Variants in TXNL4A observed in about 807,000 individuals in gnomAD.
TXNL4A encodes thioredoxin-like protein 4A.
In TXNL4A, 17 loss-of-function variants were observed where a neutral mutation model predicts 14.6. The ratio of observed to expected loss-of-function variants is 1.16; its 90% CI spans 0.80 to 1.74. The LOEUF is 1.74. Among genes scored for constraint, TXNL4A ranks in the 40% most tolerant of loss-of-function variants. The probability of loss-of-function intolerance (pLI) is 0.00; values close to 1 mark genes in which losing one functional copy is unlikely to be tolerated. For synonymous variants in TXNL4A, 83 were observed against 70.6 expected (o/e 1.18, Z -0.88); for missense variants, 74 against 195.2 (o/e 0.38, Z 3.70).
chr18:80,021,053 A>C (rs1367339218), intron 1 of TXNL4A, among the ~76,000 whole-genome samples: 3 of 152,176 alleles, frequency 2.0e-5, no homozygotes, highest in Non-Finnish European at 4.4e-5. Context: ...ACATATTGTA[A>C]AACTTTAACC....
chr18:79,974,848 C>T (rs1055243036), intron 2 of TXNL4A, among the ~76,000 whole-genome samples: 4 of 152,174 alleles, frequency 2.6e-5, no homozygotes, highest in African/African-American at 9.7e-5. Context: ...CAGTCCCACC[C>T]CGGCCTGCAG....
At chr18:80,033,828 C>T (rs1340024697) in intron 1 of TXNL4A, 1 of 146,240 alleles carries the variant, frequency 6.8e-6, no homozygotes, top group Non-Finnish European at 1.5e-5. Context: ...CGTTGCCGCC[C>T]CCCCCGCCCG....
At chr18:79,987,913 T>C (rs1390856511) in intron 1 of TXNL4A, among the ~76,000 whole-genome samples, 1 of 152,234 alleles carries the variant, frequency 6.6e-6, no homozygotes, top group Non-Finnish European at 1.5e-5. Context: ...GCGCTCTCAA[T>C]AAAACCTGCA....
At chr18:79,983,971 G>C (rs1198315774) in intron 1 of TXNL4A, among the ~76,000 whole-genome samples, 1 of 151,980 alleles carries the variant, frequency 6.6e-6, no homozygotes, top group Non-Finnish European at 1.5e-5. Context: ...ATACCTTGTG[G>C]CTAGAGTCTG....
intron 1 of TXNL4A, among the ~76,000 whole-genome samples, chr18:79,984,004 C>T (rs1473420262): frequency 1.3e-5 from 2 of 151,504 alleles, no homozygotes; most frequent in African/African-American, 2.4e-5. Flanking sequence ...CCACTCAACA[C>T]CACCCCTCAT....
chr18:79,976,187 T>C (rs967259953), intron 2 of TXNL4A, among the ~76,000 whole-genome samples: 2 of 152,128 alleles, frequency 1.3e-5, no homozygotes, highest in African/African-American at 4.8e-5. Flanking sequence ...AGTTCAAGCT[T>C]GCTGTGATGG....
chr18:80,018,325 C>G (rs937598194), intron 1 of TXNL4A, among the ~76,000 whole-genome samples: 3 of 152,152 alleles, frequency 2.0e-5, no homozygotes, highest in African/African-American at 7.2e-5. Context: ...CTCTGGGACA[C>G]ATTCAAAGCA....
At chr18:79,981,510 A>G (rs1344649382) in intron 1 of TXNL4A, among the ~76,000 whole-genome samples, 1 of 152,124 alleles carries the variant, frequency 6.6e-6, no homozygotes, top group Non-Finnish European at 1.5e-5. Context: ...TGTCTCTACT[A>G]AAAACACAAA....
chr18:79,982,097 C>T lies in TXNL4A; in HGVS notation c.154-4396G>A, dbSNP rs549926790. On this transcript the variant is annotated intron_variant, in intron 1 of 2. Coordinates refer to ENST00000269601, the MANE Select transcript of TXNL4A (RefSeq NM_006701.5). The surrounding 1 kb of genome is among the most constrained non-coding windows in gnomAD (Gnocchi z 4.0). ...CAGAATCAGCCTAACCCACAGGAGA[C>T]GGGGCGGCAGTGTGGTCACGGGGTG... Among the ~76,000 whole-genome samples the T allele has an allele frequency of 2.6e-5, 4 of 152,262 alleles. No individual in the cohort carries two copies. The East Asian group carries it at 5.8e-4, about 22-fold the overall frequency.
At chr18:80,021,370 G>C (rs953292632) in intron 1 of TXNL4A, among the ~76,000 whole-genome samples, 7 of 152,014 alleles carry the variant, frequency 4.6e-5, no homozygotes, top group Admixed American at 4.6e-4. Flanking sequence ...GTGGAGACGG[G>C]GTTTCACTGT....
At chr18:79,990,918 C>A (rs1056034723), upstream of TXNL4A, among the ~76,000 whole-genome samples, 1 of 151,448 alleles carries the variant, frequency 6.6e-6, no homozygotes, top group Non-Finnish European at 1.5e-5. Context: ...TCCTGGCTAA[C>A]ACGGTGAAAC....
chr18:80,007,683 CTAAA>C (rs2051740979), intron 1 of TXNL4A, among the ~76,000 whole-genome samples: 1 of 151,918 alleles, frequency 6.6e-6, no homozygotes, highest in East Asian at 1.9e-4. Context: ...CACTAATGGC[CTAAA>C]TAAACAATAT....
At chr18:79,988,957 G>C (rs1277020592), upstream of TXNL4A, among the ~76,000 whole-genome samples, 1 of 152,210 alleles carries the variant, frequency 6.6e-6, no homozygotes, top group Admixed American at 6.5e-5. Context: ...CAGTTCATGT[G>C]TGTCATTTGT....
intron 1 of TXNL4A, among the ~76,000 whole-genome samples, chr18:80,025,590 G>A (rs536911186): frequency 7.3e-4 from 111 of 152,322 alleles, no homozygotes; most frequent in African/African-American, 2.3e-3. Flanking sequence ...AACAGGTAGC[G>A]GAGCCCCAGC....
At chr18:80,016,251 T>A (rs1324747588) in intron 1 of TXNL4A, among the ~76,000 whole-genome samples, 2 of 152,210 alleles carry the variant, frequency 1.3e-5, no homozygotes, top group Admixed American at 6.5e-5. Flanking sequence ...CATTGTAGAT[T>A]CTGGATATTA....
intron 1 of TXNL4A, among the ~76,000 whole-genome samples, chr18:79,996,262 G>A (rs1475495036): frequency 6.6e-6 from 1 of 152,140 alleles, no homozygotes; most frequent in African/African-American, 2.4e-5. Flanking sequence ...CTGACAAATT[G>A]GGAGAGATTG....
At chr18:79,995,435 T>TG (rs1160845714) in intron 1 of TXNL4A, 3 of 152,242 alleles carry the variant, frequency 2.0e-5, no homozygotes, top group Non-Finnish European at 4.4e-5. Context: ...CCAGCAATGC[T>TG]GCCAGAGCAC....
chr18:80,004,356 C>T (rs754855393), intron 1 of TXNL4A, among the ~76,000 whole-genome samples: 84 of 152,250 alleles, frequency 5.5e-4, no homozygotes, highest in South Asian at 1.0e-3. Context: ...GGGAAACTCT[C>T]CCTTCAGAGA....
chr18:80,001,498 G>T (rs761727383), intron 1 of TXNL4A, among the ~76,000 whole-genome samples: 1 of 152,128 alleles, frequency 6.6e-6, no homozygotes, highest in African/African-American at 2.4e-5. Flanking sequence ...TGTGGCCCTG[G>T]AAGAGCCACA....
Sources: gnomAD v4.1 joint callset for allele counts (sites outside exome capture counted in the v4.1 genomes callset) on GRCh38, gnomAD v4.1.1 for gene constraint, Gnocchi (gnomAD v3.1) non-coding constraint, MANE v1.5 for transcripts, NCBI Gene and HGNC (gene_info 2026-07-23, HGNC 2026-07-21) for gene names.